PLCB1: variants seen among roughly 807,000 people sequenced by gnomAD.
PLCB1 encodes the protein phospholipase C beta 1.
A neutral mutation model predicts 161.8 loss-of-function variants in PLCB1; 46 were observed. The observed-to-expected ratio is 0.28, with a 90% CI of 0.22 to 0.36. The LOEUF is 0.36. Among genes scored for constraint, PLCB1 ranks in the 10% least tolerant of loss-of-function variants. PLCB1 has a pLI of 1.00. For missense variants in PLCB1, 1,016 were observed against 1,472.5 expected, an observed-to-expected ratio of 0.69 and a Z score of 5.07; for synonymous variants, 517 against 503.7, an observed-to-expected ratio of 1.03 and a Z score of -0.35.
chr20:8,856,181 A>G (rs948451995), intron 31 of PLCB1, among the ~76,000 whole-genome samples: 1 of 152,174 alleles, frequency 6.6e-6, no homozygotes, highest in Non-Finnish European at 1.5e-5. Flanking sequence ...ATACATGTGC[A>G]TATATATCAT....
chr20:8,341,994 G>GAA (rs879443659), intron 2 of PLCB1, among the ~76,000 whole-genome samples: 31 of 144,348 alleles, frequency 2.1e-4, no homozygotes, highest in African/African-American at 7.8e-4. Flanking sequence ...ATCATTGACA[G>GAA]AAAAAAAAAA....
At chr20:8,780,848 A>G (rs1229555170) in intron 27 of PLCB1, among the ~76,000 whole-genome samples, 1 of 152,232 alleles carries the variant, frequency 6.6e-6, no homozygotes, top group African/African-American at 2.4e-5. Flanking sequence ...CAATGGAGAT[A>G]AAAATATCTC....
intron 2 of PLCB1, among the ~76,000 whole-genome samples, chr20:8,164,967 G>A (rs910325531): frequency 6.6e-6 from 1 of 152,190 alleles, no homozygotes; most frequent in Admixed American, 6.5e-5. Flanking sequence ...TTGAAGGAAG[G>A]CAGAGACTCA....
At chr20:8,576,781 G>T (rs1986684501) in intron 3 of PLCB1, among the ~76,000 whole-genome samples, 1 of 152,126 alleles carries the variant, frequency 6.6e-6, no homozygotes, top group Non-Finnish European at 1.5e-5. Flanking sequence ...TCATGCCATT[G>T]TTTTATATTG....
intron 2 of PLCB1, among the ~76,000 whole-genome samples, chr20:8,338,511 C>T (rs1295426209): frequency 6.6e-6 from 1 of 152,100 alleles, no homozygotes; most frequent in Admixed American, 6.6e-5. Context: ...TGATGATGGT[C>T]AAGTCTAAGG....
rs1047961247 is a variant in PLCB1 at position 8,657,414 on chromosome 20, G to A, written c.695+130G>A. 12 of 668,200 alleles carry A rather than the reference G, an allele frequency of 1.8e-5. 1 individual carries two copies. The highest frequency in any genetic ancestry group is 8.9e-5 in the African/African-American group (5 of 56,314). 41.4% of individuals were successfully genotyped at this position (668,200 alleles called of 1,614,324 possible). On this transcript the variant is annotated intron_variant, in intron 8 of 31. Transcript: ENST00000338037. ...CTGTGTCTAAAAGCAATATTCCTGT[G>A]TGATGTTTTGGATAGGATCACACAA...
At chr20:8,411,694 A>T (rs537393277) in intron 3 of PLCB1, among the ~76,000 whole-genome samples, 1 of 152,186 alleles carries the variant, frequency 6.6e-6, no homozygotes, top group Admixed American at 6.5e-5. Flanking sequence ...TACCTGACAA[A>T]CAGAGGCATT....
At chr20:8,246,335 T>C (rs1409507647) in intron 2 of PLCB1, among the ~76,000 whole-genome samples, 2 of 151,962 alleles carry the variant, frequency 1.3e-5, no homozygotes, top group South Asian at 2.1e-4. Flanking sequence ...TGCTTTGCTC[T>C]GAAGATTGAC....
intron 2 of PLCB1, among the ~76,000 whole-genome samples, chr20:8,253,762 G>A (rs1981271963): frequency 6.6e-6 from 1 of 151,840 alleles, no homozygotes; most frequent in African/African-American, 2.4e-5. Context: ...TCAACTCCTG[G>A]TCCCTTTCCT....
chr20:8,302,571 A>G (rs1983958580), intron 2 of PLCB1, among the ~76,000 whole-genome samples: 1 of 152,240 alleles, frequency 6.6e-6, no homozygotes, highest in African/African-American at 2.4e-5. Flanking sequence ...TAGAAATTTG[A>G]TAGCAATGCA....
intron 3 of PLCB1, among the ~76,000 whole-genome samples, chr20:8,465,001 T>C (rs929605851): frequency 2.0e-5 from 3 of 152,220 alleles, no homozygotes; most frequent in Non-Finnish European, 4.4e-5. Flanking sequence ...TTTTTAATAG[T>C]TACTTCTTCC....
intron 2 of PLCB1, among the ~76,000 whole-genome samples, chr20:8,193,139 C>T (rs2051987271): frequency 6.6e-6 from 1 of 151,922 alleles, no homozygotes; most frequent in South Asian, 2.1e-4. Context: ...GTAGGAGATG[C>T]TGTGGGAAAA....
intron 3 of PLCB1, among the ~76,000 whole-genome samples, chr20:8,571,162 C>A (rs998634550): frequency 1.3e-5 from 2 of 152,142 alleles, no homozygotes; most frequent in Admixed American, 6.5e-5. Flanking sequence ...AAGGGAAATA[C>A]CTATTTGTGT....
intron 3 of PLCB1, among the ~76,000 whole-genome samples, chr20:8,497,709 A>T (rs969297161): frequency 1.3e-5 from 2 of 152,136 alleles, no homozygotes; most frequent in African/African-American, 4.8e-5. Context: ...GGTGATTTAA[A>T]AAGCAATAAG....
intron 2 of PLCB1, among the ~76,000 whole-genome samples, chr20:8,239,240 G>A (rs932531357): frequency 6.6e-6 from 1 of 151,980 alleles, no homozygotes; most frequent in African/African-American, 2.4e-5. Context: ...AGTATTGAAT[G>A]CAACTTAAAA....
intron 2 of PLCB1, among the ~76,000 whole-genome samples, chr20:8,169,996 G>A (rs535103631): frequency 6.6e-6 from 1 of 152,242 alleles, no homozygotes; most frequent in South Asian, 2.1e-4. Flanking sequence ...TAAAAGAATG[G>A]CATTAGGGTC....
At chr20:8,362,206 T>C (rs1986566385) in intron 2 of PLCB1, among the ~76,000 whole-genome samples, 2 of 152,218 alleles carry the variant, frequency 1.3e-5, no homozygotes, top group South Asian at 4.1e-4. Context: ...AATATATTTC[T>C]GAAATTATTC....
At chr20:8,473,883 A>T (rs1030861530) in intron 3 of PLCB1, among the ~76,000 whole-genome samples, 1 of 152,184 alleles carries the variant, frequency 6.6e-6, no homozygotes, top group Admixed American at 6.5e-5. Context: ...AATATGGTGA[A>T]TTTTTTCTCA....
intron 3 of PLCB1, among the ~76,000 whole-genome samples, chr20:8,539,693 TTTCCTTCCTTC>T (rs1568499572): frequency 1.1e-4 from 11 of 101,118 alleles, no homozygotes; most frequent in South Asian, 3.9e-4. Flanking sequence ...TCTTTTTCTT[TTTCCTTCCTTC>T]CTTCCTTTCT....
Sources: gnomAD v4.1 joint callset for allele counts (sites outside exome capture counted in the v4.1 genomes callset) on GRCh38, gnomAD v4.1.1 for gene constraint, MANE v1.5 for transcripts, NCBI Gene and HGNC (gene_info 2026-07-23, HGNC 2026-07-21) for gene names.